STAB2: variants seen among roughly 807,000 people sequenced by gnomAD.
The protein encoded by STAB2 is stabilin-2.
STAB2 carries 288 observed loss-of-function variants against 338.1 expected under a neutral mutation model. The ratio of observed to expected loss-of-function variants is 0.85; its 90% CI spans 0.77 to 0.94. STAB2 has a LOEUF of 0.94. Ranked by LOEUF, STAB2 falls within the 40% of genes least tolerant of loss-of-function variation. The pLI, the probability that STAB2 is intolerant of heterozygous loss-of-function variation, is 0.00. For synonymous variants in STAB2, 1,202 were observed against 1,193.3 expected (o/e 1.01, Z -0.15); for missense variants, 3,141 against 3,210.1 (o/e 0.98, Z 0.52).
At chr12:103,663,114 TC>T in intron 18 of STAB2, 116 bp downstream of exon 18, 2 of 1,322,902 alleles carry the variant, frequency 1.5e-6, no homozygotes, top group Non-Finnish European at 2.1e-6. Flanking sequence ...CAGAACCTTG[TC>T]CCCAAAGGGC....
At chr12:103,592,859 C>G (rs998243343) in intron 2 of STAB2, among the ~76,000 whole-genome samples, 2 of 152,144 alleles carry the variant, frequency 1.3e-5, no homozygotes, top group African/African-American at 4.8e-5. Context: ...TCCTTCCAAC[C>G]CTTAACAACC....
chr12:103,676,364 G>A (rs1474683774), intron 24 of STAB2, among the ~76,000 whole-genome samples: 1 of 152,116 alleles, frequency 6.6e-6, no homozygotes, highest in East Asian at 1.9e-4. Context: ...GCCCTGCCTG[G>A]TTTCTTGTTG....
At chr12:103,681,871 G>T (rs543724286) in intron 25 of STAB2, among the ~76,000 whole-genome samples, 19 of 151,886 alleles carry the variant, frequency 1.3e-4, no homozygotes, top group Middle Eastern at 3.4e-3. Context: ...TGCTCGCCTT[G>T]GCCTCCCAAA....
chr12:103,720,032 C>G (rs574550617), intron 44 of STAB2, among the ~76,000 whole-genome samples: 6 of 152,326 alleles, frequency 3.9e-5, no homozygotes, highest in South Asian at 2.1e-4. Context: ...AATTGAGGCT[C>G]CCATTATCTC....
chr12:103,762,020 G>A lies in STAB2; in HGVS notation c.7360-254G>A, dbSNP rs189795221. 5.1e-4 allele frequency among the ~76,000 whole-genome samples: 77 copies of A among 152,248 alleles called. 1 individual carries two copies. In the East Asian group the frequency reaches 0.013, roughly 25 times the overall value. Reference sequence around the variant, plus strand: ...CCACTGACTGGCTGTGTGATATCGGGCAAGTGCTTCACCTCTCTGTGCCCC... The same window carrying A: ...CCACTGACTGGCTGTGTGATATCGGACAAGTGCTTCACCTCTCTGTGCCCC... On this transcript the variant is annotated intron_variant, in intron 66 of 68. Coordinates refer to ENST00000388887, the MANE Select transcript of STAB2 (RefSeq NM_017564.10).
chr12:103,754,966 A>T, intron 61 of STAB2: 1 of 215,496 alleles, frequency 4.6e-6, no homozygotes, highest in Non-Finnish European at 9.2e-6. Flanking sequence ...AAAAAATTTG[A>T]GTTCTATCAT....
chr12:103,655,372 T>A, intron 14 of STAB2, 65 bp downstream of exon 14: 4 of 1,602,642 alleles, frequency 2.5e-6, no homozygotes, highest in Non-Finnish European at 3.4e-6. Context: ...TTAGCAGGGG[T>A]GTCAATTATA....
chr12:103,674,184 C>T, intron 23 of STAB2, 97 bp downstream of exon 23: 1 of 1,391,224 alleles, frequency 7.2e-7, no homozygotes. Context: ...CGGAGCCAAC[C>T]CATATCTGAA....
At chr12:103,719,125 C>A (rs1880557564) in intron 44 of STAB2, among the ~76,000 whole-genome samples, 1 of 152,116 alleles carries the variant, frequency 6.6e-6, no homozygotes, top group Non-Finnish European at 1.5e-5. Flanking sequence ...CCTAATTGTC[C>A]CAGGCCTGGT....
At chr12:103,710,917 A>G (rs529530442) in intron 39 of STAB2, among the ~76,000 whole-genome samples, 1 of 152,314 alleles carries the variant, frequency 6.6e-6, no homozygotes, top group Admixed American at 6.5e-5. Flanking sequence ...TCCAAGAGCA[A>G]TAACCTATGC....
At chr12:103,747,382 G>A (rs1174656581) in intron 58 of STAB2, among the ~76,000 whole-genome samples, 1 of 152,140 alleles carries the variant, frequency 6.6e-6, no homozygotes, top group Non-Finnish European at 1.5e-5. Flanking sequence ...GGCTAATACA[G>A]TTTCACTCTG....
chr12:103,625,032 T>C (rs1957359891), intron 5 of STAB2, among the ~76,000 whole-genome samples: 1 of 151,838 alleles, frequency 6.6e-6, no homozygotes, highest in Admixed American at 6.6e-5. Context: ...ATGTAATCAG[T>C]CAACTATATA....
intron 3 of STAB2, among the ~76,000 whole-genome samples, chr12:103,614,443 C>T (rs1485515689): frequency 6.6e-6 from 1 of 152,172 alleles, no homozygotes; most frequent in Non-Finnish European, 1.5e-5. Context: ...CCACTGGAGG[C>T]TATACCTTTT....
At chr12:103,668,154 G>A (rs1182581910) in intron 19 of STAB2, among the ~76,000 whole-genome samples, 9 of 152,154 alleles carry the variant, frequency 5.9e-5, no homozygotes, top group Admixed American at 3.3e-4. Flanking sequence ...ATTATGAGTG[G>A]GCATTGTTGG....
At chr12:103,703,127 A>G in intron 34 of STAB2, 21 bp from the exon 35 acceptor site, 2 of 1,607,724 alleles carry the variant, frequency 1.2e-6, no homozygotes, top group Non-Finnish European at 1.7e-6. Context: ...AAAAAGTGAC[A>G]TTTAACCCTG....
chr12:103,659,093 C>T (rs1234498573), intron 15 of STAB2, among the ~76,000 whole-genome samples: 1 of 152,242 alleles, frequency 6.6e-6, no homozygotes, highest in Admixed American at 6.5e-5. Context: ...CAGAAAGCAT[C>T]ACTTCCAGGG....
At chr12:103,688,366 C>T in intron 28 of STAB2, 151 bp downstream of exon 28, 1 of 730,858 alleles carries the variant, frequency 1.4e-6, no homozygotes, top group Admixed American at 2.3e-5. Flanking sequence ...TGTGGAACCA[C>T]ATGGAACACA....
chr12:103,728,748 C>G (rs928379678), intron 47 of STAB2, 101 bp from the exon 48 acceptor site: 1 of 1,466,148 alleles, frequency 6.8e-7, no homozygotes, highest in Admixed American at 1.8e-5. Context: ...CTGGGTGGGC[C>G]GAGAGGTGTG....
chr12:103,638,629 A>G (rs1277463958), intron 8 of STAB2, among the ~76,000 whole-genome samples: 7 of 152,220 alleles, frequency 4.6e-5, no homozygotes, highest in Admixed American at 3.9e-4. Context: ...AATGAAACAG[A>G]TAAAATGTCA....
Sources: gnomAD v4.1 joint callset for allele counts (sites outside exome capture counted in the v4.1 genomes callset) on GRCh38, gnomAD v4.1.1 for gene constraint, MANE v1.5 for transcripts, NCBI Gene and HGNC (gene_info 2026-07-23, HGNC 2026-07-21) for gene names.